GLTP: variants seen among roughly 807,000 people sequenced by gnomAD.
GLTP encodes glycolipid transfer protein.
A neutral mutation model predicts 24.0 loss-of-function variants in GLTP; 22 were observed. The ratio of observed to expected loss-of-function variants is 0.92; its 90% CI spans 0.65 to 1.31. The LOEUF is 1.31. Among genes scored for constraint, GLTP ranks in the 50% most tolerant of loss-of-function variants. The probability of loss-of-function intolerance (pLI) is 0.00; values close to 1 mark genes in which losing one functional copy is unlikely to be tolerated. For missense variants in GLTP, 224 were observed against 276.6 expected (o/e 0.81, Z 1.35); for synonymous variants, 92 against 115.9 (o/e 0.79, Z 1.33).
Position 109,852,183 on chromosome 12 carries a change from A to C in GLTP, c.*372T>G, listed in dbSNP as rs1892733639. 1 of 161,992 alleles carries C rather than the reference A, an allele frequency of 6.2e-6. No homozygotes were observed. The highest frequency in any genetic ancestry group is 2.4e-5 in the African/African-American group (1 of 41,722). 10.0% of individuals were successfully genotyped at this position (161,992 alleles called of 1,614,324 possible). The stretch of plus-strand genomic sequence containing the variant: ...TTATTTTTAAAGCGAGGTGGATGAC[A>C]CCATTCCCCCAGAGCTGTGTTCCTC... On this transcript the variant is annotated 3_prime_UTR_variant, in exon 5 of 5. Coordinates refer to ENST00000318348, the MANE Select transcript of GLTP (RefSeq NM_016433.4).
chr12:109,879,914 A>G (rs1409728727), intron 1 of GLTP, among the ~76,000 whole-genome samples: 7 of 151,832 alleles, frequency 4.6e-5, no homozygotes, highest in African/African-American at 1.7e-4. Context: ...AAGAAGGGGC[A>G]GGAGGCTTTG....
chr12:109,880,142 G>C lies in GLTP; in HGVS notation c.103+130C>G, dbSNP rs1869024711. 3.4e-6 allele frequency: 2 copies of C among 589,648 alleles called. No homozygotes were observed. Among genetic ancestry groups the C allele is most frequent in the Non-Finnish European group, 6.1e-6 (2 of 327,400 alleles). 36.5% of individuals were successfully genotyped at this position (589,648 alleles called of 1,614,324 possible). ...AATTTAGGGTGAGTGGAGGGAAAGA[G>C]GATCTTGGGTGCCTGGGGAAACAGT... is the stretch of plus-strand genomic sequence containing the variant. On this transcript the variant is annotated intron_variant, in intron 1 of 4. Transcript: ENST00000318348. This position sits in a 1 kb window ranked among gnomAD's most constrained non-coding sequence, Gnocchi z 5.1.
intron 1 of GLTP, among the ~76,000 whole-genome samples, chr12:109,871,478 C>T (rs557677617): frequency 6.6e-6 from 1 of 152,286 alleles, no homozygotes; most frequent in Non-Finnish European, 1.5e-5. Flanking sequence ...CTACAAGGGA[C>T]ATTTCTGCCC....
intron 1 of GLTP, among the ~76,000 whole-genome samples, chr12:109,864,209 A>G (rs1868451125): frequency 6.6e-6 from 1 of 152,168 alleles, no homozygotes; most frequent in African/African-American, 2.4e-5. Context: ...GGCTGGGAAC[A>G]AGACCCCAGA....
At chr12:109,852,969 A>G (rs1892746884) in intron 4 of GLTP, among the ~76,000 whole-genome samples, 1 of 152,198 alleles carries the variant, frequency 6.6e-6, no homozygotes, top group Admixed American at 6.5e-5. Context: ...CTGGGCCATC[A>G]ACTAGCTGTG....
intron 1 of GLTP, among the ~76,000 whole-genome samples, chr12:109,863,684 G>A (rs917761617): frequency 2.0e-5 from 3 of 152,186 alleles, no homozygotes; most frequent in South Asian, 2.1e-4. Context: ...TTTATAAAAC[G>A]GATATCCTTC....
At chr12:109,872,541 T>C (rs1868757554) in intron 1 of GLTP, among the ~76,000 whole-genome samples, 1 of 152,114 alleles carries the variant, frequency 6.6e-6, no homozygotes, top group Non-Finnish European at 1.5e-5. Flanking sequence ...AAAAACACAA[T>C]AGGGCCCTCC....
Position 109,857,381 on chromosome 12 carries a change from G to T in GLTP, c.296+145C>A. On this transcript the variant is annotated intron_variant, in intron 3 of 4. Transcript: ENST00000318348. The surrounding 1 kb of genome is among the most constrained non-coding windows in gnomAD (Gnocchi z 4.3). ...TCAGGCAAGCCCTGGCCATTGGGAGGCCTTTTCCCAGCCATTAACTAGCAT... is the reference window on the plus strand; with the variant it reads ...TCAGGCAAGCCCTGGCCATTGGGAGTCCTTTTCCCAGCCATTAACTAGCAT... 1 of 870,026 alleles carries T rather than the reference G, an allele frequency of 1.1e-6. No homozygotes were observed. Among genetic ancestry groups the T allele is most frequent in the Non-Finnish European group, 1.8e-6 (1 of 562,348 alleles). 53.9% of individuals were successfully genotyped at this position (870,026 alleles called of 1,614,324 possible). A position where few individuals can be genotyped will look rare whatever the true frequency, so the allele number is the denominator to read the frequency against.
At chr12:109,867,222 C>T (rs764625243) in intron 1 of GLTP, among the ~76,000 whole-genome samples, 4 of 151,974 alleles carry the variant, frequency 2.6e-5, no homozygotes, top group African/African-American at 7.3e-5. Flanking sequence ...AATCTCGGCT[C>T]ACTGCAACCT....
At position 109,855,339 on chromosome 12, in the gene GLTP, C is replaced by T. The variant is rs759269787; in HGVS notation, c.447+280G>A. 1.3e-5 allele frequency among the ~76,000 whole-genome samples: 2 copies of T among 152,318 alleles called. No homozygotes were observed. Among genetic ancestry groups the T allele is most frequent in the East Asian group, 1.9e-4 (1 of 5,178 alleles). ...CTCCAGGGCTTTCCCTGTGGTTTCT[C>T]GTCGCCCCACCATCAGGCCTTGCAG... On this transcript the variant is annotated intron_variant, in intron 4 of 4. Coordinates refer to ENST00000318348, the MANE Select transcript of GLTP (RefSeq NM_016433.4). The surrounding 1 kb of genome is among the most constrained non-coding windows in gnomAD (Gnocchi z 4.1).
At chr12:109,867,400 C>T (rs1325713952) in intron 1 of GLTP, among the ~76,000 whole-genome samples, 2 of 152,264 alleles carry the variant, frequency 1.3e-5, no homozygotes, top group African/African-American at 2.4e-5. Context: ...CCACCCACCT[C>T]GGCTTCCCAA....
intron 4 of GLTP, among the ~76,000 whole-genome samples, chr12:109,854,347 C>T (rs1418748145): frequency 8.2e-6 from 1 of 121,866 alleles, no homozygotes; most frequent in Non-Finnish European, 1.6e-5. Flanking sequence ...GCGACAGCGA[C>T]AGAGTGAGAC....
chr12:109,877,322 G>A lies in GLTP; in HGVS notation c.103+2950C>T, dbSNP rs576616646. Among the ~76,000 whole-genome samples the A allele has an allele frequency of 1.1e-4, 17 of 152,284 alleles. No individual in the cohort carries two copies. In the South Asian group the frequency reaches 2.5e-3, roughly 22 times the overall value. Reference sequence around the variant, plus strand: ...ACATAGTAAGGGCTCAGTGAGTGACGGGGAAATTTTTATATATCATTTGTA... The same window carrying A: ...ACATAGTAAGGGCTCAGTGAGTGACAGGGAAATTTTTATATATCATTTGTA... On this transcript the variant is annotated intron_variant, in intron 1 of 4. Transcript: ENST00000318348.
intron 1 of GLTP, among the ~76,000 whole-genome samples, chr12:109,874,726 A>G (rs1223242681): frequency 6.6e-6 from 1 of 152,154 alleles, no homozygotes; most frequent in Non-Finnish European, 1.5e-5. Context: ...GGGGTTATGT[A>G]TTTTAATTTA....
chr12:109,858,787 A>C (rs565458061), intron 1 of GLTP, 46 bp from the exon 2 acceptor site: 1 of 1,324,464 alleles, frequency 7.6e-7, no homozygotes, highest in African/African-American at 1.4e-5. Context: ...AGCAAGAGTG[A>C]TTTTTCAGGG....
Position 109,860,759 on chromosome 12 carries a change from T to C in GLTP, c.104-2018A>G, listed in dbSNP as rs183421373. 3.0e-4 allele frequency among the ~76,000 whole-genome samples: 46 copies of C among 152,322 alleles called. No individual in the cohort carries two copies. In the East Asian group the frequency reaches 7.1e-3, roughly 24 times the overall value. ...TGTAGACCTGGAAACTGCCTGGCAGTGCCTAGGACTGCTGGGATCTGCTGA... is the reference window on the plus strand; with the variant it reads ...TGTAGACCTGGAAACTGCCTGGCAGCGCCTAGGACTGCTGGGATCTGCTGA... On this transcript the variant is annotated intron_variant, in intron 1 of 4. Transcript: ENST00000318348.
At chr12:109,863,634 CAG>C (rs1303072965) in intron 1 of GLTP, among the ~76,000 whole-genome samples, 1 of 152,212 alleles carries the variant, frequency 6.6e-6, no homozygotes, top group Admixed American at 6.5e-5. Context: ...ACCCAGATGA[CAG>C]AGGATATGTG....
At chr12:109,862,413 G>A (rs1366043941) in intron 1 of GLTP, among the ~76,000 whole-genome samples, 4 of 152,134 alleles carry the variant, frequency 2.6e-5, no homozygotes, top group Admixed American at 2.6e-4. Flanking sequence ...AATAACGCCG[G>A]AGCCAAGATC....
rs1460224810 is a variant in GLTP, at chr12:109,851,409, T to A, written c.*1146A>T. ...AAAAAAGAAAACAAACAAAAAAATC[T>A]GTCTAGCGAGACAGAAAGAGCAGGG... On this transcript the variant is annotated 3_prime_UTR_variant, in exon 5 of 5. Coordinates refer to ENST00000318348, the MANE Select transcript of GLTP (RefSeq NM_016433.4). 6.6e-6 allele frequency: 1 copy of A among 152,144 alleles called. No individual in the cohort carries two copies. The highest frequency in any genetic ancestry group is 1.5e-5 in the Non-Finnish European group (1 of 68,034). The allele number at this position is 152,144 out of a possible 1,614,324, so 9.4% of individuals were successfully genotyped here.
Sources: allele counts gnomAD v4.1 joint callset (sites outside exome capture counted in the v4.1 genomes callset), GRCh38; gene constraint gnomAD v4.1.1; non-coding constraint Gnocchi (gnomAD v3.1); transcripts MANE v1.5; gene names NCBI Gene and HGNC (gene_info 2026-07-23, HGNC 2026-07-21).